CTTNBP2: variants seen among roughly 807,000 people sequenced by gnomAD.
The protein encoded by CTTNBP2 is cortactin binding protein 2, also known as cortactin-binding protein 2.
A neutral mutation model predicts 156.9 loss-of-function variants in CTTNBP2; 108 were observed. The ratio of observed to expected loss-of-function variants is 0.69; its 90% CI spans 0.59 to 0.81. CTTNBP2 has a LOEUF of 0.81. Among genes scored for constraint, CTTNBP2 ranks in the 30% least tolerant of loss-of-function variants. The pLI, the probability that CTTNBP2 is intolerant of heterozygous loss-of-function variation, is 0.00. For synonymous variants in CTTNBP2, 767 were observed against 751.8 expected (o/e 1.02, Z -0.33); for missense variants, 1,924 against 2,035.4 (o/e 0.95, Z 1.05).
intron 8 of CTTNBP2, among the ~76,000 whole-genome samples, chr7:117,775,584 C>CT (rs35808637): frequency 1.1e-3 from 157 of 138,424 alleles, no homozygotes; most frequent in South Asian, 2.2e-3. Flanking sequence ...TTTGTTTTTC[C>CT]TTTTTTTTTT....
chr7:117,771,976 T>C (rs746619647), intron 8 of CTTNBP2, among the ~76,000 whole-genome samples: 2 of 152,074 alleles, frequency 1.3e-5, no homozygotes, highest in East Asian at 1.9e-4. Flanking sequence ...TGTTTGCACA[T>C]TGGCCGGTCA....
chr7:117,808,417 T>A (rs1403035642), intron 3 of CTTNBP2, among the ~76,000 whole-genome samples: 4 of 152,124 alleles, frequency 2.6e-5, no homozygotes, highest in African/African-American at 9.7e-5. Flanking sequence ...AGAGCCTCAG[T>A]CCATTTGCCA....
At chr7:117,782,083 T>C (rs1798467304) in intron 6 of CTTNBP2, among the ~76,000 whole-genome samples, 1 of 152,204 alleles carries the variant, frequency 6.6e-6, no homozygotes, top group Non-Finnish European at 1.5e-5. Context: ...GGGTCAACCT[T>C]AAAAACCCAT....
At chr7:117,807,262 C>A (rs539893637) in intron 3 of CTTNBP2, among the ~76,000 whole-genome samples, 14 of 152,236 alleles carry the variant, frequency 9.2e-5, no homozygotes, top group African/African-American at 3.4e-4. Flanking sequence ...TGTCCTAAAT[C>A]CTCTCCTGAC....
At chr7:117,736,720 G>A (rs988424877) in intron 14 of CTTNBP2, among the ~76,000 whole-genome samples, 4 of 152,120 alleles carry the variant, frequency 2.6e-5, no homozygotes, top group Non-Finnish European at 5.9e-5. Flanking sequence ...ACAGTACCTG[G>A]CATCTACTAA....
intron 19 of CTTNBP2, 56 bp downstream of exon 19, chr7:117,724,491 A>G (rs1479935719): frequency 2.8e-6 from 4 of 1,445,214 alleles, no homozygotes; most frequent in East Asian, 4.6e-5. Flanking sequence ...GCTTTCAGAC[A>G]CTGGATCACG....
Position 117,791,170 on chromosome 7 carries a change from A to G in CTTNBP2, c.2026T>C (p.Cys676Arg), listed in dbSNP as rs2116856261. 1 of 1,614,222 alleles carries G rather than the reference A, an allele frequency of 6.2e-7. No homozygotes were observed. Among genetic ancestry groups the G allele is most frequent in the Non-Finnish European group, 8.5e-7 (1 of 1,180,032 alleles). Residue 676 changes from cysteine (C) to arginine (R), a missense_variant, in exon 4 of 23, where the codon TGT becomes CGT. Coordinates refer to ENST00000160373, the MANE Select transcript of CTTNBP2 (RefSeq NM_033427.3). The stretch of plus-strand genomic sequence containing the variant: ...AGGCTGTCTGAGGCACCTGGTCTAC[A>G]GGATGAGGCACTAACGGGGTTTATG... ...SSINPVSASS[C>R]RPGASDSLLV...
At chr7:117,855,434 A>G (rs969651469) in intron 2 of CTTNBP2, among the ~76,000 whole-genome samples, 2 of 152,166 alleles carry the variant, frequency 1.3e-5, no homozygotes, top group Admixed American at 6.6e-5. Context: ...AATCAGTTTT[A>G]AAAATAGTCC....
At chr7:117,756,513 G>A (rs1179929904) in intron 12 of CTTNBP2, 42 bp downstream of exon 12, 2 of 1,468,418 alleles carry the variant, frequency 1.4e-6, no homozygotes, top group South Asian at 1.1e-5. Flanking sequence ...TCCAGTGGCA[G>A]GGATGGAAAA....
chr7:117,793,453 C>T (rs1341216316), intron 3 of CTTNBP2: 2 of 152,350 alleles, frequency 1.3e-5, no homozygotes, highest in Non-Finnish European at 2.9e-5. Flanking sequence ...CTTAGCTTCG[C>T]TGGATGCCCG....
At chr7:117,746,967 C>A (rs1021860331) in intron 12 of CTTNBP2, among the ~76,000 whole-genome samples, 1 of 152,166 alleles carries the variant, frequency 6.6e-6, no homozygotes, top group Admixed American at 6.5e-5. Flanking sequence ...GCAAAGGCAG[C>A]GATGTCTTGA....
intron 2 of CTTNBP2, 69 bp from the exon 3 acceptor site, chr7:117,811,058 G>T (rs1204756955): frequency 2.4e-6 from 3 of 1,230,674 alleles, no homozygotes; most frequent in Non-Finnish European, 3.4e-6. Context: ...TTATAAGAAG[G>T]TTTTGTGATT....
chr7:117,766,910 A>G (rs2116694792), intron 9 of CTTNBP2, 149 bp downstream of exon 9: 1 of 560,256 alleles, frequency 1.8e-6, no homozygotes. Context: ...ATAGTTAATT[A>G]TCACACTTAC....
intron 2 of CTTNBP2, among the ~76,000 whole-genome samples, chr7:117,826,484 T>C (rs959568993): frequency 6.6e-6 from 1 of 152,178 alleles, no homozygotes; most frequent in Non-Finnish European, 1.5e-5. Flanking sequence ...CCCTTATTAA[T>C]AAATGTTTTT....
chr7:117,780,467 C>T lies in CTTNBP2; in HGVS notation c.2497G>A (p.Gly833Arg), dbSNP rs375634891. ...KECIKLLLEA[G>R]TNRSVKTTDG... ...GTGGTTTTTACACTTCGATTGGTTC[C>T]AGCTTCCAACAAGAGTTTAATACAT... Residue 833 changes from glycine (G) to arginine (R), a missense_variant, in exon 7 of 23, where the codon GGA (glycine) becomes AGA (arginine). By Grantham distance (125) the Gly-to-Arg change is moderately radical. Coordinates refer to ENST00000160373, the MANE Select transcript of CTTNBP2 (RefSeq NM_033427.3). 3 of 1,587,536 alleles carry T rather than the reference C, an allele frequency of 1.9e-6. No homozygotes were observed. The highest frequency in any genetic ancestry group is 2.6e-6 in the Non-Finnish European group (3 of 1,169,686).
At chr7:117,873,201 C>T in intron 1 of CTTNBP2, 134 bp downstream of exon 1, 1 of 660,608 alleles carries the variant, frequency 1.5e-6, no homozygotes, top group African/African-American at 1.9e-5. Flanking sequence ...AGGGGGGCCC[C>T]GATGAAGGGG....
Position 117,792,375 on chromosome 7 carries a change from T to A in CTTNBP2, c.821A>T (p.Asp274Val). 6.2e-7 allele frequency: 1 copy of A among 1,614,222 alleles called. No individual in the cohort carries two copies. The highest frequency in any genetic ancestry group is 8.5e-7 in the Non-Finnish European group (1 of 1,180,040). Residue 274 changes from aspartate to valine, a missense_variant, in exon 4 of 23, where the codon GAC (aspartate) becomes GTC (valine). Coordinates refer to ENST00000160373, the MANE Select transcript of CTTNBP2 (RefSeq NM_033427.3). This position sits in a 1 kb window ranked among gnomAD's most constrained non-coding sequence, Gnocchi z 4.2. Reference sequence around the variant, plus strand: ...TGGAAGAGAGAGGCTTGGTTTGCTGTCACTTCCCCTTTTCAGTTGCTCAAT... The same window carrying A: ...TGGAAGAGAGAGGCTTGGTTTGCTGACACTTCCCCTTTTCAGTTGCTCAAT... ...KMIEQLKRGS[D>V]SKPSLSLPRK...
intron 14 of CTTNBP2, among the ~76,000 whole-genome samples, chr7:117,738,495 C>T (rs1384058810): frequency 6.6e-6 from 1 of 152,148 alleles, no homozygotes; most frequent in Non-Finnish European, 1.5e-5. Context: ...ATGGGAGCCT[C>T]ACCCAGGACC....
intron 2 of CTTNBP2, among the ~76,000 whole-genome samples, chr7:117,833,058 C>T (rs1359841297): frequency 6.6e-6 from 1 of 152,046 alleles, no homozygotes; most frequent in Admixed American, 6.6e-5. Context: ...TCTGGCCCAT[C>T]AACCTTCTTT....
Sources: allele counts gnomAD v4.1 joint callset (sites outside exome capture counted in the v4.1 genomes callset), GRCh38; gene constraint gnomAD v4.1.1; non-coding constraint Gnocchi (gnomAD v3.1); transcripts MANE v1.5; gene names NCBI Gene and HGNC (gene_info 2026-07-23, HGNC 2026-07-21).